PHIP: variants seen among roughly 807,000 people sequenced by gnomAD.
PHIP encodes the protein PH-interacting protein.
In PHIP, 54 loss-of-function variants were observed where a neutral mutation model predicts 236.8. The ratio of observed to expected loss-of-function variants is 0.23; its 90% confidence interval spans 0.18 to 0.29. The LOEUF (loss-of-function observed/expected upper bound fraction) is 0.29. PHIP is among the 10% of genes least tolerant of loss of function. The pLI, the probability that PHIP is intolerant of heterozygous loss-of-function variation, is 1.00. For synonymous variants in PHIP, 756 were observed against 718.9 expected (o/e 1.05, Z -0.83); for missense variants, 1,370 against 2,190.8 (o/e 0.63, Z 7.48).
At chr6:79,077,558 G>T in intron 3 of PHIP, 51 bp from the exon 4 acceptor site, 3 of 926,358 alleles carry the variant, frequency 3.2e-6, no homozygotes, top group Non-Finnish European at 4.2e-6. Flanking sequence ...CTACCCGCCC[G>T]CTCCCCTCCC....
intron 23 of PHIP, among the ~76,000 whole-genome samples, chr6:78,982,112 TC>T (rs1433885038): frequency 6.6e-6 from 1 of 152,022 alleles, no homozygotes; most frequent in Non-Finnish European, 1.5e-5. Context: ...TACAAAAAAA[TC>T]TTCCTTTTAA....
intron 6 of PHIP, among the ~76,000 whole-genome samples, chr6:79,059,960 CAAG>C (rs542118915): frequency 2.3e-3 from 353 of 152,004 alleles, no homozygotes; most frequent in African/African-American, 8.2e-3. Context: ...ACACCATAGG[CAAG>C]AAGATTAGTT....
chr6:79,025,993 C>A lies in PHIP; in HGVS notation c.772G>T (p.Ala258Ser). 6.2e-7 allele frequency: 1 copy of A among 1,613,942 alleles called. No homozygotes were observed. Among genetic ancestry groups the A allele is most frequent in the Non-Finnish European group, 8.5e-7 (1 of 1,179,924 alleles). Reference protein sequence around the residue: ...MIRVWCLRTCAPLAVLQGHSA... With the variant: ...MIRVWCLRTCSPLAVLQGHSA... ...TGGCCCTGAAGAACAGCCAAAGGTG[C>A]ACAGGTTCGAAGACACCAGACTCGG... Residue 258 changes from alanine (A) to serine (S), a missense_variant, in exon 8 of 40, where the codon GCA becomes TCA. Around this residue, in one of 14 missense-constraint regions of PHIP, gnomAD observed 188 missense variants for 354.3 expected, o/e 0.53. Coordinates refer to ENST00000275034, the MANE Select transcript of PHIP (RefSeq NM_017934.7).
intron 6 of PHIP, among the ~76,000 whole-genome samples, chr6:79,058,647 T>G (rs1479528069): frequency 6.6e-6 from 1 of 152,098 alleles, no homozygotes; most frequent in South Asian, 2.1e-4. Flanking sequence ...AAAATAAGCA[T>G]AATAGTTCCT....
Position 78,997,500 on chromosome 6 carries a change from T to C in PHIP, c.2115A>G (p.Ala705=). Residue 705 remains alanine, a synonymous_variant, in exon 19 of 40, where the codon GCA becomes GCG. Coordinates refer to ENST00000275034, the MANE Select transcript of PHIP (RefSeq NM_017934.7). ...GCTCTGTGGCTATTTCACTTCTTGG[T>C]GCGTTGCTGTGCATTTGCCGTACAC... The part of the protein sequence containing the change: ...IEGVRQMHSN[A]PRSEIATERD... The C allele has an allele frequency of 6.2e-7, 1 of 1,614,110 alleles. No individual in the cohort carries two copies. The highest frequency in any genetic ancestry group is 8.5e-7 in the Non-Finnish European group (1 of 1,179,968).
At chr6:78,975,878 T>C (rs1768018253) in intron 24 of PHIP, among the ~76,000 whole-genome samples, 1 of 148,790 alleles carries the variant, frequency 6.7e-6, no homozygotes, top group African/African-American at 2.5e-5. Flanking sequence ...TAAAAGAGGA[T>C]ACAAACAAAT....
At chr6:79,057,970 G>A (rs913064367) in intron 6 of PHIP, among the ~76,000 whole-genome samples, 1 of 152,028 alleles carries the variant, frequency 6.6e-6, no homozygotes, top group African/African-American at 2.4e-5. Flanking sequence ...GACTATGCAA[G>A]TTGAGTCATT....
In PHIP at chr6:78,941,166, T is replaced by G. The variant is rs760885759; in HGVS notation, c.4993A>C (p.Lys1665Gln). 6.2e-6 allele frequency: 10 copies of G among 1,613,978 alleles called. No individual in the cohort carries two copies. In the East Asian group the frequency reaches 1.6e-4, roughly 25 times the overall value. Reference protein sequence around the residue: ...IHKKRGRKPKKLQYAKPEDLE... With the variant: ...IHKKRGRKPKQLQYAKPEDLE... ...TCTTCTGGCTTTGCATACTGTAGCT[T>G]TTTGGGCTTTCTACCCCTTTTCTTG... Residue 1665 changes from lysine (K) to glutamine (Q), a missense_variant, in exon 40 of 40, where the codon AAG (lysine) becomes CAG (glutamine). Lys to Gln is a moderately conservative substitution (Grantham distance 53). Around this residue, in one of 14 missense-constraint regions of PHIP, gnomAD observed 309 missense variants for 328.3 expected, o/e 0.94. Coordinates refer to ENST00000275034, the MANE Select transcript of PHIP (RefSeq NM_017934.7).
At position 78,986,481 on chromosome 6, in the gene PHIP, T is replaced by C. The variant is rs80291989; in HGVS notation, c.2461-1053A>G. 5.6e-3 allele frequency among the ~76,000 whole-genome samples: 859 copies of C among 152,318 alleles called. 11 individuals carry two copies. The highest frequency in any genetic ancestry group is 0.02 in the African/African-American group (815 of 41,572). On this transcript the variant is annotated intron_variant, in intron 21 of 39. Coordinates refer to ENST00000275034, the MANE Select transcript of PHIP (RefSeq NM_017934.7). ...CCCATTTGGGCTTGACAATGCACTA[T>C]TGGTGATAGAGAGTTACTTAAATAA...
At chr6:79,030,218 GAA>G (rs1395622688) in intron 7 of PHIP, among the ~76,000 whole-genome samples, 2 of 152,100 alleles carry the variant, frequency 1.3e-5, no homozygotes, top group African/African-American at 4.8e-5. Flanking sequence ...AAAAAGTGAA[GAA>G]AGTTTGGAAA....
intron 28 of PHIP, 44 bp from the exon 29 acceptor site, chr6:78,965,808 G>C (rs752223600): frequency 3.3e-6 from 4 of 1,227,428 alleles, no homozygotes; most frequent in Non-Finnish European, 4.7e-6. Flanking sequence ...CTAAATTATT[G>C]TATCACAATT....
chr6:79,034,895 A>G (rs973440436), intron 7 of PHIP, among the ~76,000 whole-genome samples: 1 of 152,176 alleles, frequency 6.6e-6, no homozygotes, highest in Non-Finnish European at 1.5e-5. Context: ...TGAATGACTA[A>G]TATTCTTTGA....
intron 15 of PHIP, among the ~76,000 whole-genome samples, chr6:79,012,090 G>T (rs1011136799): frequency 6.6e-6 from 1 of 151,470 alleles, no homozygotes; most frequent in South Asian, 2.1e-4. Context: ...TTCAAAAAAA[G>T]AATTTACATT....
intron 39 of PHIP, among the ~76,000 whole-genome samples, chr6:78,944,101 A>G (rs558431592): frequency 2.0e-5 from 3 of 152,052 alleles, no homozygotes; most frequent in African/African-American, 7.2e-5. Flanking sequence ...GCAACAGACA[A>G]TTAAACTAGG....
At chr6:78,943,161 T>C (rs1376257917) in intron 39 of PHIP, among the ~76,000 whole-genome samples, 1 of 152,126 alleles carries the variant, frequency 6.6e-6, no homozygotes, top group Non-Finnish European at 1.5e-5. Context: ...CTGAACATGG[T>C]GAGTACAAAA....
At chr6:79,037,131 T>G (rs1771979436) in intron 7 of PHIP, among the ~76,000 whole-genome samples, 1 of 152,138 alleles carries the variant, frequency 6.6e-6, no homozygotes, top group Admixed American at 6.6e-5. Context: ...AACAATGTTC[T>G]CTTTTCCTTT....
chr6:79,021,395 G>A (rs896553729), intron 9 of PHIP, among the ~76,000 whole-genome samples: 1 of 152,146 alleles, frequency 6.6e-6, no homozygotes, highest in Non-Finnish European at 1.5e-5. Context: ...TCATCTGCCT[G>A]CCTTGGCCTC....
At chr6:79,006,760 T>A (rs990952481) in intron 15 of PHIP, among the ~76,000 whole-genome samples, 1 of 151,996 alleles carries the variant, frequency 6.6e-6, no homozygotes, top group Non-Finnish European at 1.5e-5. Flanking sequence ...ATAAGTGCAT[T>A]TTAGATGAAC....
chr6:79,076,401 T>G (rs1355466081), intron 4 of PHIP, among the ~76,000 whole-genome samples: 1 of 152,184 alleles, frequency 6.6e-6, no homozygotes, highest in East Asian at 1.9e-4. Context: ...AAAGGCTTGG[T>G]GGGTCCGGTG....
Sources: allele counts gnomAD v4.1 joint callset (sites outside exome capture counted in the v4.1 genomes callset), GRCh38; gene constraint gnomAD v4.1.1; regional missense constraint gnomAD v4.1.1; transcripts MANE v1.5; gene names NCBI Gene and HGNC (gene_info 2026-07-23, HGNC 2026-07-21).